Variants in SPRED2 observed in about 807,000 individuals in gnomAD.
SPRED2 encodes the protein sprouty related EVH1 domain containing 2, also known as sprouty-related, EVH1 domain-containing protein 2.
A neutral mutation model predicts 43.0 loss-of-function variants in SPRED2; 47 were observed. The ratio of observed to expected loss-of-function variants is 1.09; its 90% CI spans 0.87 to 1.40. The LOEUF is 1.40. Ranked by LOEUF, SPRED2 falls within the 40% of genes most tolerant of loss-of-function variation. The pLI, the probability that SPRED2 is intolerant of heterozygous loss-of-function variation, is 0.00. For synonymous variants in SPRED2, 225 were observed against 225.7 expected (o/e 1.00, Z 0.03); for missense variants, 561 against 586.4 (o/e 0.96, Z 0.45).
intron 1 of SPRED2, among the ~76,000 whole-genome samples, chr2:65,347,713 G>A (rs1674394089): frequency 6.6e-6 from 1 of 152,104 alleles, no homozygotes; most frequent in African/African-American, 2.4e-5. Context: ...TCTCTTCTGT[G>A]AGATTCAGGC....
At chr2:65,356,712 C>T (rs1674662839) in intron 1 of SPRED2, among the ~76,000 whole-genome samples, 1 of 151,910 alleles carries the variant, frequency 6.6e-6, no homozygotes, top group African/African-American at 2.4e-5. Flanking sequence ...TGTTCTCTGG[C>T]CGGGCGCGGT....
intron 1 of SPRED2, among the ~76,000 whole-genome samples, chr2:65,362,362 C>T (rs961674771): frequency 2.4e-4 from 37 of 152,168 alleles, no homozygotes; most frequent in Non-Finnish European, 2.8e-4. Flanking sequence ...CTCCGCCTCC[C>T]GGGTTCACGC....
intron 1 of SPRED2, chr2:65,366,897 T>A (rs1674995121): frequency 3.1e-6 from 2 of 648,186 alleles, no homozygotes; most frequent in Non-Finnish European, 2.2e-6. Flanking sequence ...CGTTTTCCAA[T>A]TAAAATATTG....
At chr2:65,395,156 A>C (rs548331977) in intron 1 of SPRED2, among the ~76,000 whole-genome samples, 1 of 152,020 alleles carries the variant, frequency 6.6e-6, no homozygotes, top group Non-Finnish European at 1.5e-5. Context: ...CCTCGGATCT[A>C]AGTGTTCCAC....
rs574181162 is a variant in SPRED2 at position 65,311,794 on chromosome 2, C to T, written c.*1707G>A. The T allele has an allele frequency of 4.5e-5, 44 of 985,454 alleles. No homozygotes were observed. Among genetic ancestry groups the T allele is most frequent in the South Asian group, 9.4e-5 (2 of 21,282 alleles). The allele number at this position is 985,454 out of a possible 1,614,324, so 61.0% of individuals were successfully genotyped here. On this transcript the variant is annotated 3_prime_UTR_variant, in exon 6 of 6. Transcript: ENST00000356388. ...ACACCGGTAATCTACTAAAGAAAAT[C>T]GATGAGCTTGTGGACGAGCTGGAAA... is the stretch of plus-strand genomic sequence containing the variant.
chr2:65,426,093 A>T (rs1348116852), intron 1 of SPRED2, among the ~76,000 whole-genome samples: 1 of 152,236 alleles, frequency 6.6e-6, no homozygotes, highest in East Asian at 1.9e-4. Flanking sequence ...ATTTCTGCAG[A>T]GATTCTCCTA....
chr2:65,386,980 CTT>C (rs5831754), intron 1 of SPRED2, among the ~76,000 whole-genome samples: 5 of 144,636 alleles, frequency 3.5e-5, no homozygotes, highest in Admixed American at 6.8e-5. Context: ...TGGCTAAGAG[CTT>C]TTTTTTTTTT....
chr2:65,400,201 C>T (rs867584490), intron 1 of SPRED2, among the ~76,000 whole-genome samples: 17 of 152,162 alleles, frequency 1.1e-4, no homozygotes, highest in Middle Eastern at 3.2e-3. Context: ...TTATATGACA[C>T]TTTTAACTAA....
chr2:65,394,882 A>C (rs1026654800), intron 1 of SPRED2, among the ~76,000 whole-genome samples: 3 of 152,212 alleles, frequency 2.0e-5, no homozygotes, highest in Admixed American at 6.5e-5. Context: ...TTTTCACATT[A>C]TGCTACTTCT....
chr2:65,397,494 C>T (rs554682710), intron 1 of SPRED2, among the ~76,000 whole-genome samples: 2 of 152,170 alleles, frequency 1.3e-5, no homozygotes, highest in Non-Finnish European at 2.9e-5. Flanking sequence ...AAGCTTTTCA[C>T]AACTACCTAA....
rs58807883 is a variant in SPRED2 at position 65,344,916 on chromosome 2, A to C, written c.27-20T>G. Reference sequence around the variant, plus strand: ...CTGTCACTAAAACGACAAGAAGAAGAAGCACAGGGCATGACAATGGTCTGG... The same window carrying C: ...CTGTCACTAAAACGACAAGAAGAAGCAGCACAGGGCATGACAATGGTCTGG... On this transcript the variant is annotated intron_variant, in intron 1 of 5. Transcript: ENST00000356388. 10,992 of 1,608,820 alleles carry C rather than the reference A, an allele frequency of 6.8e-3. 266 individuals are homozygous for C. The African/African-American group carries it at 0.08, about 12-fold the overall frequency.
chr2:65,344,418 C>T, intron 2 of SPRED2: 2 of 463,124 alleles, frequency 4.3e-6, no homozygotes, highest in Non-Finnish European at 8.3e-6. Context: ...TAAAAGAGTA[C>T]ACTTTTGTTT....
chr2:65,375,520 G>C (rs181344227), intron 1 of SPRED2, among the ~76,000 whole-genome samples: 53 of 152,244 alleles, frequency 3.5e-4, no homozygotes, highest in African/African-American at 1.3e-3. Context: ...TCATTTAGCT[G>C]GCATTAAAAG....
At chr2:65,403,515 C>T (rs897232512) in intron 1 of SPRED2, among the ~76,000 whole-genome samples, 3 of 152,200 alleles carry the variant, frequency 2.0e-5, no homozygotes, top group African/African-American at 4.8e-5. Flanking sequence ...AATCCCCCCA[C>T]CTTGGCCTCC....
intron 1 of SPRED2, among the ~76,000 whole-genome samples, chr2:65,416,993 G>C (rs912723907): frequency 6.6e-6 from 1 of 152,126 alleles, no homozygotes; most frequent in South Asian, 2.1e-4. Context: ...TGACCAGACG[G>C]TCAACTCCTC....
At chr2:65,401,938 C>CGT (rs67120481) in intron 1 of SPRED2, among the ~76,000 whole-genome samples, 15 of 32,622 alleles carry the variant, frequency 4.6e-4, no homozygotes, top group African/African-American at 2.9e-3. Context: ...CGCGCGCGCG[C>CGT]ACACACACAC....
intron 1 of SPRED2, among the ~76,000 whole-genome samples, chr2:65,407,463 T>C (rs959019579): frequency 6.6e-6 from 1 of 151,950 alleles, no homozygotes; most frequent in Admixed American, 6.6e-5. Flanking sequence ...TTCTAATCTA[T>C]TGCTGTGTAG....
At chr2:65,359,419 G>T (rs1257098057) in intron 1 of SPRED2, among the ~76,000 whole-genome samples, 2 of 145,878 alleles carry the variant, frequency 1.4e-5, no homozygotes, top group Non-Finnish European at 3.1e-5. Flanking sequence ...ACTTGATTCA[G>T]AAAGAACTCC....
At chr2:65,374,717 TA>T (rs1675200014) in intron 1 of SPRED2, among the ~76,000 whole-genome samples, 1 of 152,236 alleles carries the variant, frequency 6.6e-6, no homozygotes, top group South Asian at 2.1e-4. Flanking sequence ...ACAGAAATTT[TA>T]AAAATAGGCC....
Sources: allele counts gnomAD v4.1 joint callset (sites outside exome capture counted in the v4.1 genomes callset), GRCh38; gene constraint gnomAD v4.1.1; transcripts MANE v1.5; gene names NCBI Gene and HGNC (gene_info 2026-07-23, HGNC 2026-07-21).